Variants in CAPN13 observed in about 807,000 individuals in gnomAD.
CAPN13 encodes calpain 13, also known as calpain-13.
Under a neutral mutation model 98.4 loss-of-function variants are expected in CAPN13, and 90 were observed. The ratio of observed to expected loss-of-function variants is 0.92; its 90% CI spans 0.77 to 1.09. The LOEUF (loss-of-function observed/expected upper bound fraction) is 1.09, where lower values mean the gene tolerates loss of function less well. Among genes scored for constraint, CAPN13 ranks in the 50% least tolerant of loss-of-function variants. The pLI is 0.00. For missense variants in CAPN13, 887 were observed against 841.3 expected (o/e 1.05, Z -0.67); for synonymous variants, 330 against 305.5 (o/e 1.08, Z -0.84).
intron 4 of CAPN13, among the ~76,000 whole-genome samples, chr2:30,774,399 A>G (rs937031165): frequency 2.0e-5 from 3 of 152,130 alleles, no homozygotes; most frequent in African/African-American, 7.2e-5. Flanking sequence ...CAACACCCAC[A>G]CAACAGATCG....
intron 5 of CAPN13, among the ~76,000 whole-genome samples, chr2:30,769,010 G>A (rs914760454): frequency 6.6e-6 from 1 of 151,876 alleles, no homozygotes; most frequent in Non-Finnish European, 1.5e-5. Flanking sequence ...TTGGCTACAC[G>A]CACGTCTCAC....
At chr2:30,745,563 G>A (rs1459275331) in intron 12 of CAPN13, among the ~76,000 whole-genome samples, 160 bp downstream of exon 12, 1 of 152,184 alleles carries the variant, frequency 6.6e-6, no homozygotes, top group African/African-American at 2.4e-5. Context: ...CCTGCTTTGT[G>A]AACCTGTTTG....
At chr2:30,773,765 T>C (rs562548737) in intron 4 of CAPN13, among the ~76,000 whole-genome samples, 1 of 152,352 alleles carries the variant, frequency 6.6e-6, no homozygotes, top group African/African-American at 2.4e-5. Context: ...GAACTTCTCC[T>C]CTTTATGATC....
intron 22 of CAPN13, among the ~76,000 whole-genome samples, chr2:30,728,364 A>G (rs758719627): frequency 6.6e-5 from 10 of 152,072 alleles, no homozygotes; most frequent in Admixed American, 1.3e-4. Flanking sequence ...AAGATGGGCT[A>G]CAACCAAGTG....
chr2:30,756,275 G>T (rs997939454), intron 8 of CAPN13, among the ~76,000 whole-genome samples: 1 of 152,050 alleles, frequency 6.6e-6, no homozygotes, highest in Non-Finnish European at 1.5e-5. Context: ...CGGCTTGTTG[G>T]CCCGGAACAG....
At chr2:30,771,927 A>T (rs1673431674) in intron 4 of CAPN13, among the ~76,000 whole-genome samples, 1 of 152,388 alleles carries the variant, frequency 6.6e-6, no homozygotes, top group East Asian at 1.9e-4. Flanking sequence ...TTATGAGAGT[A>T]GAGACTCTTT....
Position 30,736,586 on chromosome 2 carries a change from A to C in CAPN13, c.1654-15T>G, listed in dbSNP as rs1205032635. 6.2e-7 allele frequency: 1 copy of C among 1,613,776 alleles called. No individual in the cohort carries two copies. Among genetic ancestry groups the C allele is most frequent in the African/African-American group, 1.3e-5 (1 of 74,920 alleles). The stretch of plus-strand genomic sequence containing the variant: ...TTCACTTTCAGCTGGGTAAGGAGTT[A>C]AGAGTGAACCAGCCAGCGTGCAAGG... On this transcript the variant is annotated splice_polypyrimidine_tract_variant and intron_variant, in intron 17 of 22. Transcript: ENST00000295055.
intron 7 of CAPN13, among the ~76,000 whole-genome samples, chr2:30,758,794 TCCTTCCTCCCTCCCTTC>T (rs1672613129): frequency 1.4e-5 from 1 of 71,920 alleles, no homozygotes; most frequent in South Asian, 5.3e-4. Context: ...CCCTTTCCTT[TCCTTCCTCCCTCCCTTC>T]CCTTCCTCCC....
At chr2:30,753,026 C>G (rs1558308961) in intron 10 of CAPN13, 27 bp downstream of exon 10, 2 of 1,612,180 alleles carry the variant, frequency 1.2e-6, no homozygotes, top group Non-Finnish European at 1.7e-6. Flanking sequence ...TCCAGTTGGG[C>G]AGTGTGACCA....
At chr2:30,755,135 GC>G (rs1234887872) in intron 8 of CAPN13, among the ~76,000 whole-genome samples, 82 of 148,942 alleles carry the variant, frequency 5.5e-4, no homozygotes, top group African/African-American at 1.9e-3. Context: ...ACCCCCCCAA[GC>G]CCAACTTTCA....
At chr2:30,737,211 G>A (rs1482584450) in intron 17 of CAPN13, 3 of 152,422 alleles carry the variant, frequency 2.0e-5, no homozygotes, top group Non-Finnish European at 4.4e-5. Context: ...GTGGGAGATG[G>A]GCTGTGTCTC....
chr2:30,787,341 A>C lies in CAPN13; in HGVS notation c.-16T>G. On this transcript the variant is annotated 5_prime_UTR_variant, in exon 2 of 23. Transcript: ENST00000295055. Reference sequence around the variant, plus strand: ...AATACGCCATGACTCTCCTTAGAAGACTTCCGAGGTCCTTTCCTGTTGGTG... The same window carrying C: ...AATACGCCATGACTCTCCTTAGAAGCCTTCCGAGGTCCTTTCCTGTTGGTG... 1 of 1,601,780 alleles carries C rather than the reference A, an allele frequency of 6.2e-7. No homozygotes were observed. Among genetic ancestry groups the C allele is most frequent in the Non-Finnish European group, 8.5e-7 (1 of 1,174,474 alleles).
intron 1 of CAPN13, among the ~76,000 whole-genome samples, chr2:30,805,643 C>A (rs141982823): frequency 5.9e-5 from 9 of 152,014 alleles, no homozygotes; most frequent in African/African-American, 2.2e-4. Context: ...GAAACTGGGA[C>A]CCCCAAGAGG....
chr2:30,753,229 A>G, intron 9 of CAPN13, 31 bp from the exon 10 acceptor site: 1 of 1,611,754 alleles, frequency 6.2e-7, no homozygotes, highest in South Asian at 1.1e-5. Flanking sequence ...TCACTCAGTG[A>G]CCAGGGGTTG....
chr2:30,777,009 G>C (rs1308260360), intron 3 of CAPN13, among the ~76,000 whole-genome samples: 1 of 152,190 alleles, frequency 6.6e-6, no homozygotes, highest in Non-Finnish European at 1.5e-5. Context: ...TTCTCAGAAG[G>C]GTTGTTGTTT....
In CAPN13 at chr2:30,738,452, C is replaced by T. The variant is rs371040924; in HGVS notation, c.1542G>A (p.Leu514=). The change falls in exon 16 of 23, where the codon CTG becomes CTA. Residue 514 remains leucine, a synonymous_variant. Coordinates refer to ENST00000295055, the MANE Select transcript of CAPN13 (RefSeq NM_144575.3). ...CCTGAAGCTGGGTGGCATCAATGTC[C>T]AGCCTCTGATCCAAACAAGGAAGGA... ...SIFNRYAQQR[L]DIDATQLQGL... 8 of 1,603,606 alleles carry T rather than the reference C, an allele frequency of 5.0e-6. No individual in the cohort carries two copies. In the East Asian group the frequency reaches 6.7e-5, roughly 13 times the overall value.
chr2:30,742,291 T>G (rs1249955480), intron 14 of CAPN13, 35 bp downstream of exon 14: 2 of 1,591,270 alleles, frequency 1.3e-6, no homozygotes, highest in African/African-American at 1.3e-5. Flanking sequence ...ATGGGGCCAA[T>G]GAGGCTCGCC....
chr2:30,741,455 T>C lies in CAPN13; in HGVS notation c.1536+453A>G, dbSNP rs564441553. 9.5e-5 allele frequency: 95 copies of C among 1,004,660 alleles called. 1 individual carries two copies. In the South Asian group the frequency reaches 3.9e-3, roughly 41 times the overall value. The allele number at this position is 1,004,660 out of a possible 1,614,324, so 62.2% of individuals were successfully genotyped here. A position where few individuals can be genotyped will look rare whatever the true frequency, so the allele number is the denominator to read the frequency against. On this transcript the variant is annotated intron_variant, in intron 15 of 22. Transcript: ENST00000295055. The stretch of plus-strand genomic sequence containing the variant: ...TCAAGGAGTTCTTTATAACAGTTTA[T>C]TAAGCCATTAAGGAAATCCTGTGTG...
intron 15 of CAPN13, among the ~76,000 whole-genome samples, chr2:30,738,741 C>T (rs1009981524): frequency 3.3e-5 from 5 of 152,164 alleles, no homozygotes; most frequent in African/African-American, 1.2e-4. Flanking sequence ...TTAGTCCTTG[C>T]CACTATCTCT....
Sources: allele counts gnomAD v4.1 joint callset (sites outside exome capture counted in the v4.1 genomes callset), GRCh38; gene constraint gnomAD v4.1.1; transcripts MANE v1.5; gene names NCBI Gene and HGNC (gene_info 2026-07-23, HGNC 2026-07-21).